Variants in SLC36A1 observed in about 807,000 individuals in gnomAD.
The protein encoded by SLC36A1 is proton-coupled amino acid transporter 1.
SLC36A1 carries 30 observed loss-of-function variants against 47.5 expected under a neutral mutation model. The observed-to-expected ratio is 0.63, with a 90% CI of 0.47 to 0.86. The LOEUF (loss-of-function observed/expected upper bound fraction) is 0.86, where lower values mean the gene tolerates loss of function less well. SLC36A1 is among the 40% of genes least tolerant of loss of function. The pLI is 0.00. For synonymous variants in SLC36A1, 255 were observed against 249.7 expected, an observed-to-expected ratio of 1.02 and a Z score of -0.20; for missense variants, 517 against 606.0, an observed-to-expected ratio of 0.85 and a Z score of 1.54.
At chr5:151,526,247 C>G in the SLC36A1 span, among the ~76,000 whole-genome samples, 204 of 152,306 alleles carry the variant, frequency 1.3e-3, no homozygotes, top group Non-Finnish European at 2.3e-3. Flanking sequence ...ACCCTTTATT[C>G]TGTAGAGAGA....
At chr5:151,431,029 C>G in the SLC36A1 span, among the ~76,000 whole-genome samples, 2 of 152,150 alleles carry the variant, frequency 1.3e-5, no homozygotes, top group African/African-American at 4.8e-5. Context: ...TGCTTTAGTT[C>G]CACAGTTCCC....
the SLC36A1 span, among the ~76,000 whole-genome samples, chr5:151,520,629 C>T: frequency 2.0e-5 from 3 of 152,152 alleles, no homozygotes; most frequent in African/African-American, 4.8e-5. Flanking sequence ...ATTTCCCCCC[C>T]GAACCCAACT....
the SLC36A1 span, among the ~76,000 whole-genome samples, chr5:151,419,524 A>G: frequency 6.6e-6 from 1 of 152,236 alleles, no homozygotes; most frequent in East Asian, 1.9e-4. Context: ...TTGCCCCCAG[A>G]AGCTGCCTTT....
the SLC36A1 span, among the ~76,000 whole-genome samples, chr5:151,501,844 T>C: frequency 6.8e-6 from 1 of 148,046 alleles, no homozygotes; most frequent in Non-Finnish European, 1.5e-5. Context: ...TCTTACATCC[T>C]TCACAAAAAG....
At chr5:151,541,361 A>G in the SLC36A1 span, among the ~76,000 whole-genome samples, 2 of 152,222 alleles carry the variant, frequency 1.3e-5, no homozygotes, top group South Asian at 2.1e-4. Context: ...TTATTACTCT[A>G]TTATCCTGAG....
chr5:151,367,374 T>TTTTTTCCC, the SLC36A1 span, among the ~76,000 whole-genome samples: 103 of 145,532 alleles, frequency 7.1e-4, no homozygotes, highest in African/African-American at 2.5e-3. Context: ...TTTTTTTTTT[T>TTTTTTCCC]CCCCAGGGTA....
At chr5:151,554,322 A>T in the SLC36A1 span, 1 of 1,574,540 alleles carries the variant, frequency 6.4e-7, no homozygotes, top group Non-Finnish European at 8.7e-7. Context: ...ACTAACCAGC[A>T]TGCCACTCCT....
chr5:151,550,947 G>C, the SLC36A1 span: 2 of 1,374,848 alleles, frequency 1.5e-6, no homozygotes, highest in Non-Finnish European at 2.0e-6. Context: ...GGACCTCCCT[G>C]TATCACCCAG....
the SLC36A1 span, among the ~76,000 whole-genome samples, chr5:151,375,602 T>TG: frequency 9.2e-5 from 14 of 152,124 alleles, no homozygotes; most frequent in Non-Finnish European, 1.9e-4. Flanking sequence ...CTGTGAAGAA[T>TG]GAGCATGGAA....
chr5:151,408,958 C>T, the SLC36A1 span, among the ~76,000 whole-genome samples: 4 of 150,544 alleles, frequency 2.7e-5, no homozygotes, highest in South Asian at 2.1e-4. Context: ...TGGAGTGAAA[C>T]GTGGTGAGGG....
the SLC36A1 span, among the ~76,000 whole-genome samples, chr5:151,503,501 G>T: frequency 6.6e-6 from 1 of 150,536 alleles, no homozygotes; most frequent in Non-Finnish European, 1.5e-5. Context: ...TGCCTGCGTG[G>T]TGTCTCCCAC....
chr5:151,381,030 G>T, the SLC36A1 span: 1 of 402,010 alleles, frequency 2.5e-6, no homozygotes, highest in Non-Finnish European at 5.0e-6. Flanking sequence ...TTGTTGAAGA[G>T]GCGGGAGGTG....
chr5:151,356,337 C>CTCAAAAAAAAAAAAA, the SLC36A1 span, among the ~76,000 whole-genome samples: 1 of 27,726 alleles, frequency 3.6e-5, no homozygotes, highest in African/African-American at 4.2e-4. Flanking sequence ...GGCTCTGTCT[C>CTCAAAAAAAAAAAAA]ACAAAAAAAA....
chr5:151,370,227 GC>G, the SLC36A1 span, among the ~76,000 whole-genome samples: 3 of 152,226 alleles, frequency 2.0e-5, no homozygotes, highest in African/African-American at 7.2e-5. Flanking sequence ...GAGGCAGACA[GC>G]TTTTCCCCAA....
At chr5:151,373,043 C>T in the SLC36A1 span, among the ~76,000 whole-genome samples, 9 of 151,876 alleles carry the variant, frequency 5.9e-5, no homozygotes, top group Non-Finnish European at 1.2e-4. Flanking sequence ...GAGACTCCTC[C>T]ATCTCTATTA....
At chr5:151,386,844 A>G in the SLC36A1 span, among the ~76,000 whole-genome samples, 1 of 151,938 alleles carries the variant, frequency 6.6e-6, no homozygotes, top group Admixed American at 6.6e-5. Flanking sequence ...GTTCAAATCC[A>G]TTTGTTTTAA....
At chr5:151,386,567 T>A in the SLC36A1 span, among the ~76,000 whole-genome samples, 1 of 151,892 alleles carries the variant, frequency 6.6e-6, no homozygotes, top group Non-Finnish European at 1.5e-5. Flanking sequence ...ATTTTTGCTT[T>A]GAGATACCAT....
the SLC36A1 span, chr5:151,544,816 G>A: frequency 6.2e-7 from 1 of 1,614,154 alleles, no homozygotes; most frequent in Non-Finnish European, 8.5e-7. Flanking sequence ...ATATGTAACA[G>A]CCCCATTTGT....
chr5:151,347,334 A>T, the SLC36A1 span: 1 of 1,614,224 alleles, frequency 6.2e-7, no homozygotes. Flanking sequence ...GCTGACTCTG[A>T]AGGACTTTCA....
Sources: allele counts gnomAD v4.1 joint callset (sites outside exome capture counted in the v4.1 genomes callset), GRCh38; gene constraint gnomAD v4.1.1; transcripts MANE v1.5; gene names NCBI Gene and HGNC (gene_info 2026-07-23, HGNC 2026-07-21).